MRTFA: variants seen among roughly 807,000 people sequenced by gnomAD.
MRTFA encodes the protein myocardin related transcription factor A.
A neutral mutation model predicts 83.5 loss-of-function variants in MRTFA; 20 were observed. That is an observed-to-expected ratio of 0.24 (90% CI 0.17 to 0.35). The LOEUF (loss-of-function observed/expected upper bound fraction) is 0.35, where lower values mean the gene tolerates loss of function less well. MRTFA is among the 10% of genes least tolerant of loss of function. MRTFA has a pLI of 1.00. For synonymous variants in MRTFA, 659 were observed against 541.2 expected, an observed-to-expected ratio of 1.22 and a Z score of -3.02; for missense variants, 1,200 against 1,224.7, an observed-to-expected ratio of 0.98 and a Z score of 0.30.
rs554865732 is a variant in MRTFA at position 40,578,227 on chromosome 22, T to C, written c.-22+16447A>G. On this transcript the variant is annotated intron_variant, in intron 2 of 14. Transcript: ENST00000355630. ...CCTTGGCCTCCCAGAGTGCTGGGAT[T>C]ACAGGTGTGAGCCACCAGGCTTGGC... 7.2e-5 allele frequency among the ~76,000 whole-genome samples: 11 copies of C among 152,286 alleles called. No homozygotes were observed. The East Asian group carries it at 1.2e-3, about 16-fold the overall frequency.
chr22:40,453,865 A>G (rs533960742), intron 4 of MRTFA, among the ~76,000 whole-genome samples: 1 of 152,270 alleles, frequency 6.6e-6, no homozygotes, highest in East Asian at 1.9e-4. Context: ...TTGCCCAGAA[A>G]TTTAAAAACA....
chr22:40,427,019 T>A (rs1027647807), intron 7 of MRTFA, among the ~76,000 whole-genome samples: 1 of 152,196 alleles, frequency 6.6e-6, no homozygotes, highest in Non-Finnish European at 1.5e-5. Flanking sequence ...AATCAGTTGT[T>A]TATACATTAG....
intron 1 of MRTFA, among the ~76,000 whole-genome samples, chr22:40,595,863 CTTTTTTTTTTTTTT>C (rs35215701): frequency 1.3e-5 from 1 of 78,108 alleles, no homozygotes; most frequent in African/African-American, 4.9e-5. Context: ...TATCTAAAGT[CTTTTTTTTTTTTTT>C]TTTTTTTTTT....
chr22:40,529,597 TTAA>T (rs2055039796), intron 3 of MRTFA, among the ~76,000 whole-genome samples: 1 of 152,106 alleles, frequency 6.6e-6, no homozygotes, highest in African/African-American at 2.4e-5. Context: ...AGAAATATTT[TTAA>T]TAATAAAACA....
chr22:40,459,830 C>CATACATATATAT (rs1555973834), intron 4 of MRTFA, among the ~76,000 whole-genome samples: 21 of 86,946 alleles, frequency 2.4e-4, no homozygotes, highest in African/African-American at 7.3e-4. Context: ...CACATATATA[C>CATACATATATAT]ATATATATAT....
intron 9 of MRTFA, among the ~76,000 whole-genome samples, chr22:40,422,737 A>T (rs985960949): frequency 2.6e-5 from 4 of 152,218 alleles, no homozygotes; most frequent in South Asian, 2.1e-4. Context: ...CAGCTCCCAG[A>T]GCTAGTGGGG....
rs937876523 is a variant in MRTFA at position 40,420,853 on chromosome 22, G to T, written c.1175C>A (p.Pro392Gln). Reference sequence around the variant, plus strand: ...GTGAGGAGCGGGTGCCTACTTTGGCGGGGCAGGCAGGATGGCCTGGTAGTT... The same window carrying T: ...GTGAGGAGCGGGTGCCTACTTTGGCTGGGCAGGCAGGATGGCCTGGTAGTT... The change falls in exon 10 of 15, where the codon CCG (proline) becomes CAG (glutamine). Residue 392 changes from proline to glutamine, a missense_variant. Pro to Gln is a moderately conservative substitution (Grantham distance 76, BLOSUM62 -1). This residue lies in a region of MRTFA where 1,107 missense variants were observed against 1,041.8 expected (regional missense o/e 1.06). Coordinates refer to ENST00000355630, the MANE Select transcript of MRTFA (RefSeq NM_020831.6). 1 of 1,613,364 alleles carries T rather than the reference G, an allele frequency of 6.2e-7. No homozygotes were observed. The highest frequency in any genetic ancestry group is 8.5e-7 in the Non-Finnish European group (1 of 1,179,920).
intron 3 of MRTFA, among the ~76,000 whole-genome samples, chr22:40,539,339 ATTTTT>A (rs567459121): frequency 7.7e-6 from 1 of 129,550 alleles, no homozygotes; most frequent in Admixed American, 7.8e-5. Flanking sequence ...GTTATTAACA[ATTTTT>A]TTTTTTTTTT....
intron 2 of MRTFA, among the ~76,000 whole-genome samples, chr22:40,579,509 C>T (rs1391847720): frequency 1.3e-5 from 2 of 152,110 alleles, no homozygotes; most frequent in Non-Finnish European, 2.9e-5. Flanking sequence ...GTATAAAGAA[C>T]ATCTGAAAGA....
At chr22:40,427,583 A>G (rs1486589146) in intron 7 of MRTFA, among the ~76,000 whole-genome samples, 2 of 152,328 alleles carry the variant, frequency 1.3e-5, no homozygotes, top group Non-Finnish European at 2.9e-5. Context: ...CGAAGGAGAC[A>G]TGTCTGTACC....
At chr22:40,443,286 T>TA (rs2147114471) in intron 4 of MRTFA, among the ~76,000 whole-genome samples, 1 of 151,940 alleles carries the variant, frequency 6.6e-6, no homozygotes, top group Admixed American at 6.5e-5. Context: ...AAAAAAAACT[T>TA]AATGTACTAC....
intron 2 of MRTFA, among the ~76,000 whole-genome samples, chr22:40,573,426 TG>T (rs2147348538): frequency 6.6e-6 from 1 of 152,252 alleles, no homozygotes; most frequent in East Asian, 1.9e-4. Flanking sequence ...GGCTAATTTT[TG>T]TATTTTTAGT....
chr22:40,419,092 G>C lies in MRTFA; in HGVS notation c.1646C>G (p.Ser549Cys), dbSNP rs1177859414. Reference sequence around the variant, plus strand: ...GGGGGTGGGAGACACGGGGGGCGTGGAGCCCGTGCTGCCAAACTTCACCAC... The same window carrying C: ...GGGGGTGGGAGACACGGGGGGCGTGCAGCCCGTGCTGCCAAACTTCACCAC... The change falls in exon 12 of 15, where the codon TCC becomes TGC. Residue 549 changes from serine to cysteine, a missense_variant. Around this residue, in one of 2 missense-constraint regions of MRTFA, gnomAD observed 1,107 missense variants for 1,041.8 expected, o/e 1.06. Coordinates refer to ENST00000355630, the MANE Select transcript of MRTFA (RefSeq NM_020831.6). 1 of 1,600,468 alleles carries C rather than the reference G, an allele frequency of 6.2e-7. No individual in the cohort carries two copies. The highest frequency in any genetic ancestry group is 8.5e-7 in the Non-Finnish European group (1 of 1,174,114).
intron 5 of MRTFA, among the ~76,000 whole-genome samples, chr22:40,432,175 G>C (rs539495328): frequency 6.6e-6 from 1 of 152,142 alleles, no homozygotes; most frequent in African/African-American, 2.4e-5. Context: ...GAACTCGTGA[G>C]GTGGAGGCTG....
At chr22:40,498,619 C>T (rs2054403578) in intron 3 of MRTFA, among the ~76,000 whole-genome samples, 2 of 151,932 alleles carry the variant, frequency 1.3e-5, no homozygotes, top group South Asian at 4.2e-4. Context: ...ATGTGTCATG[C>T]ATATGGTAGG....
rs778716047 is a variant in MRTFA, at chr22:40,463,183, A to G, written c.307+38T>C. 2.5e-5 allele frequency: 40 copies of G among 1,580,444 alleles called. No homozygotes were observed. In the Admixed American group the frequency reaches 6.7e-4, roughly 26 times the overall value. ...CTCGGTGAACACAGCCATGTCCTAA[A>G]AGCAATCTACCAAATGCTGAGAGAG... On this transcript the variant is annotated intron_variant, in intron 4 of 14. Coordinates refer to ENST00000355630, the MANE Select transcript of MRTFA (RefSeq NM_020831.6).
chr22:40,587,829 C>T (rs1010436136), intron 2 of MRTFA: 39 of 361,150 alleles, frequency 1.1e-4, no homozygotes, highest in South Asian at 4.4e-4. Context: ...TGACGACCTG[C>T]TAATTCACTA....
In MRTFA at chr22:40,571,026, C is replaced by CAAAAAAAAA. The variant is rs71199292; in HGVS notation, c.-21-18668_-21-18660dup. On this transcript the variant is annotated intron_variant, in intron 2 of 14. Transcript: ENST00000355630. ...GCAACATAGTGAATCCCTGTCTCTA[C>CAAAAAAAAA]AAAAAAAAAAAAAAAAAAAAAAAAA... Among the ~76,000 whole-genome samples the CAAAAAAAAA allele has an allele frequency of 1.9e-4, 9 of 46,732 alleles. 2 individuals are homozygous for CAAAAAAAAA. The highest frequency in any genetic ancestry group is 3.7e-4 in the Admixed American group (1 of 2,684). 30.7% of individuals were successfully genotyped at this position (46,732 alleles called of 152,430 possible). A position where few individuals can be genotyped will look rare whatever the true frequency, so the allele number is the denominator to read the frequency against.
At chr22:40,564,567 T>G (rs1259955977) in intron 2 of MRTFA, among the ~76,000 whole-genome samples, 1 of 152,192 alleles carries the variant, frequency 6.6e-6, no homozygotes, top group African/African-American at 2.4e-5. Context: ...CAAATACCGC[T>G]GAGTATCTAA....
Sources: allele counts gnomAD v4.1 joint callset (sites outside exome capture counted in the v4.1 genomes callset), GRCh38; gene constraint gnomAD v4.1.1; regional missense constraint gnomAD v4.1.1; transcripts MANE v1.5; gene names NCBI Gene and HGNC (gene_info 2026-07-23, HGNC 2026-07-21).